The following JPH2 variants were observed in gnomAD, a reference collection of about 807,000 sequenced individuals.
JPH2 encodes junctophilin 2.
A neutral mutation model predicts 55.9 loss-of-function variants in JPH2; 38 were observed. The ratio of observed to expected loss-of-function variants is 0.68; its 90% confidence interval spans 0.52 to 0.89. The LOEUF is 0.89. JPH2 is among the 40% of genes least tolerant of loss of function. The pLI is 0.00. For missense variants in JPH2, 964 were observed against 1,037.6 expected (o/e 0.93, Z 0.97); for synonymous variants, 480 against 472.4 (o/e 1.02, Z -0.21).
rs536966497 is a variant in JPH2, at chr20:44,109,690, T to C, written c.*3828A>G. 6.6e-6 allele frequency among the ~76,000 whole-genome samples: 1 copy of C among 152,302 alleles called. No individual in the cohort carries two copies. The highest frequency in any genetic ancestry group is 1.9e-4 in the East Asian group (1 of 5,182). On this transcript the variant is annotated 3_prime_UTR_variant, in exon 6 of 6. Transcript: ENST00000372980. ...CATGCAAGTTTTATGTTTTACAGTT[T>C]AGGTATTATTTGTATTCTGAGTCAC...
At chr20:44,166,953 A>T (rs1383419272) in intron 1 of JPH2, among the ~76,000 whole-genome samples, 1 of 151,458 alleles carries the variant, frequency 6.6e-6, no homozygotes, top group East Asian at 2.0e-4. Flanking sequence ...CGCCCCTGCC[A>T]CCTCCCCTGC....
intron 2 of JPH2, among the ~76,000 whole-genome samples, chr20:44,145,669 G>A (rs1243247270): frequency 1.3e-5 from 2 of 151,488 alleles, no homozygotes; most frequent in South Asian, 4.2e-4. Flanking sequence ...GTTTATAGAG[G>A]TGGAGGAGAT....
At chr20:44,117,743 T>C (rs1020490236) in intron 3 of JPH2, among the ~76,000 whole-genome samples, 1 of 152,170 alleles carries the variant, frequency 6.6e-6, no homozygotes, top group African/African-American at 2.4e-5. Flanking sequence ...TCTCTAACAC[T>C]TCCTCTTGCC....
In JPH2 at chr20:44,158,414, CACTA is replaced by C. The variant is rs536208127; in HGVS notation, c.1169+1200_1169+1203del. Among the ~76,000 whole-genome samples the C allele has an allele frequency of 1.1e-4, 16 of 152,330 alleles. No homozygotes were observed. In the South Asian group the frequency reaches 1.9e-3, roughly 18 times the overall value. ...GGGAACCTGATTAGAAAAGGCCACT[CACTA>C]ACTGAGTGATTTTGGACAAGTCACC... On this transcript the variant is annotated intron_variant, in intron 2 of 5. Coordinates refer to ENST00000372980, the MANE Select transcript of JPH2 (RefSeq NM_020433.5).
At chr20:44,177,766 CA>C in intron 1 of JPH2, 1 of 1,467,774 alleles carries the variant, frequency 6.8e-7, no homozygotes. Context: ...GTTCCAAAGT[CA>C]AAAACTCGTT....
At position 44,135,114 on chromosome 20, in the gene JPH2, G is replaced by T. The variant is rs554367571; in HGVS notation, c.1170-16491C>A. ...AATTGGCATGACCATACCTACTGGG[G>T]TGCCCAGCTAGATGCTAACCCCGGA... is the stretch of plus-strand genomic sequence containing the variant. On this transcript the variant is annotated intron_variant, in intron 2 of 5. Coordinates refer to ENST00000372980, the MANE Select transcript of JPH2 (RefSeq NM_020433.5). Among the ~76,000 whole-genome samples, 12 of 151,258 alleles carry T rather than the reference G, an allele frequency of 7.9e-5. No homozygotes were observed. The South Asian group carries it at 2.1e-3, about 26-fold the overall frequency.
chr20:44,148,925 G>T (rs190895837), intron 2 of JPH2, among the ~76,000 whole-genome samples: 95 of 152,122 alleles, frequency 6.2e-4, no homozygotes, highest in Non-Finnish European at 1.0e-3. Flanking sequence ...CAATTAGCTG[G>T]GTGTGGTGGT....
rs553395930 is a variant in JPH2 at position 44,160,319 on chromosome 20, G to C, written c.468C>G (p.Arg156=). ...SVPYGMAVVV[R]SPLRTSLSSL... ...ACGACAGCGACGTGCGCAGCGGCGAGCGCACCACCACGGCCATCCCGTAGG... is the reference window on the plus strand; with the variant it reads ...ACGACAGCGACGTGCGCAGCGGCGACCGCACCACCACGGCCATCCCGTAGG... The change falls in exon 2 of 6, where the codon CGC becomes CGG. Residue 156 remains arginine, a synonymous_variant. Transcript: ENST00000372980. This position sits in a 1 kb window ranked among gnomAD's most constrained non-coding sequence, Gnocchi z 4.9. 2.0e-5 allele frequency: 31 copies of C among 1,564,552 alleles called. No individual in the cohort carries two copies. Among genetic ancestry groups the C allele is most frequent in the African/African-American group, 1.8e-4 (13 of 73,776 alleles).
In JPH2 at chr20:44,108,857, T is replaced by C. The variant is rs1487948018; in HGVS notation, c.*4661A>G. Among the ~76,000 whole-genome samples the C allele has an allele frequency of 6.6e-6, 1 of 152,062 alleles. No homozygotes were observed. Among genetic ancestry groups the C allele is most frequent in the Admixed American group, 6.6e-5 (1 of 15,256 alleles). On this transcript the variant is annotated 3_prime_UTR_variant, in exon 6 of 6. Coordinates refer to ENST00000372980, the MANE Select transcript of JPH2 (RefSeq NM_020433.5). ...GTGTGATCCTTACAAATCACGACACTCTCTCCAGACCTGTTTCCCCATATG... is the reference window on the plus strand; with the variant it reads ...GTGTGATCCTTACAAATCACGACACCCTCTCCAGACCTGTTTCCCCATATG...
intron 2 of JPH2, among the ~76,000 whole-genome samples, chr20:44,143,196 T>G (rs1010788008): frequency 6.6e-6 from 1 of 151,916 alleles, no homozygotes; most frequent in Non-Finnish European, 1.5e-5. Context: ...GAGAGTGGTA[T>G]GAGATGAGGC....
Position 44,116,130 on chromosome 20 carries a change from C to A in JPH2, c.1545G>T (p.Glu515Asp). ...CTGACCGGCTGCCCTCACCGCTGGGCTCGCCGTTCCAGGCGCCTGGGCTCA... is the reference window on the plus strand; with the variant it reads ...CTGACCGGCTGCCCTCACCGCTGGGATCGCCGTTCCAGGCGCCTGGGCTCA... ...GLLSPGAWNG[E>D]PSGEGSRSVT... Residue 515 changes from glutamate to aspartate, a missense_variant, in exon 4 of 6, where the codon GAG becomes GAT. By Grantham distance (45) the Glu-to-Asp change is conservative (BLOSUM62 2). Coordinates refer to ENST00000372980, the MANE Select transcript of JPH2 (RefSeq NM_020433.5). The A allele has an allele frequency of 6.9e-7, 1 of 1,447,550 alleles. No homozygotes were observed. The highest frequency in any genetic ancestry group is 9.0e-7 in the Non-Finnish European group (1 of 1,110,822). 89.7% of individuals were successfully genotyped at this position (1,447,550 alleles called of 1,614,324 possible).
chr20:44,116,397 AAC>A lies in JPH2; in HGVS notation c.1289-13_1289-12del. 1 of 1,546,818 alleles carries A rather than the reference AAC, an allele frequency of 6.5e-7. No homozygotes were observed. The highest frequency in any genetic ancestry group is 8.7e-7 in the Non-Finnish European group (1 of 1,146,498). On this transcript the variant is annotated splice_polypyrimidine_tract_variant and intron_variant, in intron 3 of 5. Coordinates refer to ENST00000372980, the MANE Select transcript of JPH2 (RefSeq NM_020433.5). ...TCTGATATTCCGGACCTGCCAGGGC[AAC>A]ACAGGGAGGCTGGGCTCGAACCCCG...
rs2072116891 is a variant in JPH2 at position 44,107,764 on chromosome 20, G to C, written c.*5754C>G. On this transcript the variant is annotated 3_prime_UTR_variant, in exon 6 of 6. Coordinates refer to ENST00000372980, the MANE Select transcript of JPH2 (RefSeq NM_020433.5). The stretch of plus-strand genomic sequence containing the variant: ...CCCCTCTCTTAAGGAACTCAGTCTA[G>C]TGGAGAAGCTGTGGATAGGAAGAGA... 6.6e-6 allele frequency among the ~76,000 whole-genome samples: 1 copy of C among 152,220 alleles called. No homozygotes were observed. Among genetic ancestry groups the C allele is most frequent in the African/African-American group, 2.4e-5 (1 of 41,450 alleles).
At chr20:44,183,628 T>C (rs1252964927) in intron 1 of JPH2, among the ~76,000 whole-genome samples, 1 of 152,158 alleles carries the variant, frequency 6.6e-6, no homozygotes, top group Non-Finnish European at 1.5e-5. Context: ...CCAGCCCCAG[T>C]CCCACACTTC....
intron 2 of JPH2, among the ~76,000 whole-genome samples, chr20:44,137,826 A>T (rs1230061158): frequency 6.6e-6 from 1 of 152,022 alleles, no homozygotes; most frequent in Admixed American, 6.6e-5. Context: ...CCTTCTAAAT[A>T]CTGGCTTTCC....
chr20:44,176,441 T>A (rs553436275), intron 1 of JPH2, among the ~76,000 whole-genome samples: 1 of 149,508 alleles, frequency 6.7e-6, no homozygotes, highest in African/African-American at 2.4e-5. Context: ...TCTCTGTACA[T>A]CCCATCAAGG....
At chr20:44,114,167 A>G (rs1305736084) in intron 5 of JPH2, among the ~76,000 whole-genome samples, 1 of 152,106 alleles carries the variant, frequency 6.6e-6, no homozygotes, top group Non-Finnish European at 1.5e-5. Context: ...ACTCCACTTC[A>G]CGGGAACTTA....
intron 2 of JPH2, among the ~76,000 whole-genome samples, chr20:44,133,478 AGGGAAGCTCT>A (rs2072339346): frequency 6.6e-6 from 1 of 152,084 alleles, no homozygotes; most frequent in Non-Finnish European, 1.5e-5. Flanking sequence ...GCCACACAGC[AGGGAAGCTCT>A]GGGTTGTGAT....
Position 44,160,422 on chromosome 20 carries a change from AG to A in JPH2, c.380-16del. 1 of 1,605,598 alleles carries A rather than the reference AG, an allele frequency of 6.2e-7. No homozygotes were observed. The highest frequency in any genetic ancestry group is 8.5e-7 in the Non-Finnish European group (1 of 1,177,000). ...TTGGTACGTCCCTGCGGGCGAGGAG[AG>A]GGCGCGTCAGTAGGCGGCACGACGG... On this transcript the variant is annotated splice_polypyrimidine_tract_variant and intron_variant, in intron 1 of 5. Transcript: ENST00000372980. The surrounding 1 kb of genome is among the most constrained non-coding windows in gnomAD (Gnocchi z 4.9).
Sources: allele counts gnomAD v4.1 joint callset (sites outside exome capture counted in the v4.1 genomes callset), GRCh38; gene constraint gnomAD v4.1.1; non-coding constraint Gnocchi (gnomAD v3.1); transcripts MANE v1.5; gene names NCBI Gene and HGNC (gene_info 2026-07-23, HGNC 2026-07-21).